The following CNTN6 variants were observed in gnomAD, a reference collection of about 807,000 sequenced individuals.
CNTN6 encodes contactin-6.
CNTN6 carries 137 observed loss-of-function variants against 122.8 expected under a neutral mutation model. The ratio of observed to expected loss-of-function variants is 1.12; its 90% CI spans 0.97 to 1.29. The LOEUF (loss-of-function observed/expected upper bound fraction) is 1.29, where lower values mean the gene tolerates loss of function less well. Among genes scored for constraint, CNTN6 ranks in the 50% most tolerant of loss-of-function variants. The pLI is 0.00. For synonymous variants in CNTN6, 570 were observed against 426.0 expected (o/e 1.34, Z -4.16); for missense variants, 1,634 against 1,223.4 (o/e 1.34, Z -5.01).
intron 1 of CNTN6, among the ~76,000 whole-genome samples, chr3:1,096,619 C>G (rs1257643922): frequency 2.0e-5 from 3 of 152,116 alleles, no homozygotes; most frequent in East Asian, 3.9e-4. Flanking sequence ...TGCAATAAAC[C>G]TATTAAGGCA....
chr3:1,202,328 C>G (rs1468189670), intron 2 of CNTN6, among the ~76,000 whole-genome samples: 1 of 152,114 alleles, frequency 6.6e-6, no homozygotes, highest in African/African-American at 2.4e-5. Context: ...ATCACGAGCT[C>G]AGGATATCAA....
At chr3:1,241,591 A>AG (rs1291613715) in intron 4 of CNTN6, among the ~76,000 whole-genome samples, 2 of 152,208 alleles carry the variant, frequency 1.3e-5, no homozygotes, top group African/African-American at 4.8e-5. Flanking sequence ...GGGAGGACCC[A>AG]GGACATCCAA....
intron 7 of CNTN6, among the ~76,000 whole-genome samples, chr3:1,312,689 G>A (rs1575658170): frequency 6.6e-6 from 1 of 151,340 alleles, no homozygotes; most frequent in East Asian, 1.9e-4. Flanking sequence ...GTATTGCTAA[G>A]CACATGTTAT....
chr3:1,155,561 C>T (rs983469465), intron 2 of CNTN6, among the ~76,000 whole-genome samples: 5 of 152,022 alleles, frequency 3.3e-5, no homozygotes, highest in African/African-American at 1.2e-4. Flanking sequence ...ATACAGTTTG[C>T]TTAGACACAC....
At chr3:1,270,079 T>G (rs890698043) in intron 4 of CNTN6, among the ~76,000 whole-genome samples, 2 of 152,214 alleles carry the variant, frequency 1.3e-5, no homozygotes, top group Admixed American at 6.5e-5. Context: ...GATTAGGTTA[T>G]GTCGTGTTGT....
At chr3:1,308,886 G>T (rs7615385) in intron 7 of CNTN6, among the ~76,000 whole-genome samples, 8 of 151,958 alleles carry the variant, frequency 5.3e-5, no homozygotes, top group Admixed American at 5.2e-4. Context: ...TAACGGCAAA[G>T]GATGTGAACA....
intron 2 of CNTN6, among the ~76,000 whole-genome samples, chr3:1,158,374 C>T (rs1382836559): frequency 3.3e-5 from 5 of 152,018 alleles, no homozygotes; most frequent in African/African-American, 1.2e-4. Context: ...ATTTTTTAAT[C>T]GCATTATTAG....
intron 11 of CNTN6, among the ~76,000 whole-genome samples, chr3:1,339,444 G>A (rs892342516): frequency 1.3e-5 from 2 of 152,156 alleles, no homozygotes; most frequent in Admixed American, 6.6e-5. Flanking sequence ...ACTTGAATGA[G>A]CTCAGAGTCT....
At chr3:1,116,384 A>AAAAC (rs770834564) in intron 1 of CNTN6, among the ~76,000 whole-genome samples, 3 of 152,206 alleles carry the variant, frequency 2.0e-5, no homozygotes, top group Admixed American at 2.0e-4. Context: ...TTGAATAGCA[A>AAAAC]AAACAAACAA....
At chr3:1,300,523 AAGATAAAGAAAGAGAGAGAAAGAAAG>A (rs1559754665) in intron 7 of CNTN6, among the ~76,000 whole-genome samples, 7 of 143,206 alleles carry the variant, frequency 4.9e-5, no homozygotes, top group African/African-American at 1.7e-4. Context: ...GAAAGAAAGA[AAGATAAAGAAAGAGAGAGAAAGAAAG>A]AGAAAGAAAA....
rs866573610 is a variant in CNTN6 at position 1,286,314 on chromosome 3, A to G, written c.454+7806A>G. ...CTGCACCCATCAACCGGCCATCTACATTAGGTTTTTCTCCTAATGCTATCC... is the reference window on the plus strand; with the variant it reads ...CTGCACCCATCAACCGGCCATCTACGTTAGGTTTTTCTCCTAATGCTATCC... On this transcript the variant is annotated intron_variant, in intron 5 of 22. Coordinates refer to ENST00000446702, the MANE Select transcript of CNTN6 (RefSeq NM_001289080.2). Among the ~76,000 whole-genome samples, 15 of 152,244 alleles carry G rather than the reference A, an allele frequency of 9.9e-5. No homozygotes were observed. In the Middle Eastern group the frequency reaches 0.01, roughly 104 times the overall value.
At chr3:1,281,983 TACACACACACACAC>T (rs3836238) in intron 5 of CNTN6, among the ~76,000 whole-genome samples, 2 of 149,800 alleles carry the variant, frequency 1.3e-5, no homozygotes, top group African/African-American at 4.9e-5. Flanking sequence ...TATATAGGTA[TACACACACACACAC>T]ACACACACAC....
At chr3:1,202,306 C>T (rs1234063422) in intron 2 of CNTN6, among the ~76,000 whole-genome samples, 3 of 152,038 alleles carry the variant, frequency 2.0e-5, no homozygotes, top group Non-Finnish European at 2.9e-5. Context: ...TTCGGAAGGC[C>T]GAGGCGGGCG....
chr3:1,226,871 T>A lies in CNTN6; in HGVS notation c.183-947T>A, dbSNP rs193073478. On this transcript the variant is annotated intron_variant, in intron 3 of 22. Coordinates refer to ENST00000446702, the MANE Select transcript of CNTN6 (RefSeq NM_001289080.2). ...TACATGCACAACTGTTTGTCATTAT[T>A]CAATAGTTTTAAGTGTTTATTTTAA... 9.3e-4 allele frequency among the ~76,000 whole-genome samples: 141 copies of A among 152,316 alleles called. 2 individuals carry two copies. The highest frequency in any genetic ancestry group is 3.2e-3 in the African/African-American group (133 of 41,570).
At chr3:1,230,649 C>T (rs1454606479) in intron 4 of CNTN6, among the ~76,000 whole-genome samples, 1 of 152,168 alleles carries the variant, frequency 6.6e-6, no homozygotes, top group Non-Finnish European at 1.5e-5. Flanking sequence ...GCTATCATTG[C>T]CCCCATTTTA....
intron 2 of CNTN6, among the ~76,000 whole-genome samples, chr3:1,170,431 T>A (rs934786211): frequency 5.3e-5 from 8 of 151,996 alleles, no homozygotes; most frequent in African/African-American, 1.7e-4. Context: ...CCGTTGAAAA[T>A]CGAGTGTCTA....
chr3:1,177,158 A>T (rs1159136596), intron 2 of CNTN6, among the ~76,000 whole-genome samples: 1 of 152,212 alleles, frequency 6.6e-6, no homozygotes, highest in Non-Finnish European at 1.5e-5. Flanking sequence ...AAAGTAAAAA[A>T]TGTGAGGAAA....
chr3:1,170,088 T>A (rs1575105286), intron 2 of CNTN6, among the ~76,000 whole-genome samples: 1 of 151,656 alleles, frequency 6.6e-6, no homozygotes, highest in Non-Finnish European at 1.5e-5. Flanking sequence ...TACAAAAAAA[T>A]TAGCCGGATG....
At chr3:1,201,135 G>A (rs1028758332) in intron 2 of CNTN6, among the ~76,000 whole-genome samples, 1 of 148,304 alleles carries the variant, frequency 6.7e-6, no homozygotes, top group Non-Finnish European at 1.5e-5. Flanking sequence ...GTGTGTGTGT[G>A]TGTGTGTGTG....
Sources: allele counts gnomAD v4.1 joint callset (sites outside exome capture counted in the v4.1 genomes callset), GRCh38; gene constraint gnomAD v4.1.1; transcripts MANE v1.5; gene names NCBI Gene and HGNC (gene_info 2026-07-23, HGNC 2026-07-21).